Variants in DNAH10 observed in about 807,000 individuals in gnomAD.
DNAH10 encodes the protein dynein axonemal heavy chain 10, also known as axonemal beta dynein heavy chain 10.
Under a neutral mutation model 506.6 loss-of-function variants are expected in DNAH10, and 348 were observed. The observed-to-expected ratio is 0.69, with a 90% CI of 0.63 to 0.75. The LOEUF (loss-of-function observed/expected upper bound fraction) is 0.75. Among genes scored for constraint, DNAH10 ranks in the 30% least tolerant of loss-of-function variants. The probability of loss-of-function intolerance (pLI) is 0.00; values close to 1 mark genes in which losing one functional copy is unlikely to be tolerated. For synonymous variants in DNAH10, 2,059 were observed against 2,198.6 expected, an observed-to-expected ratio of 0.94 and a Z score of 1.78; for missense variants, 5,179 against 5,787.1, an observed-to-expected ratio of 0.89 and a Z score of 3.41.
intron 59 of DNAH10, among the ~76,000 whole-genome samples, 157 bp from the exon 60 acceptor site, chr12:123,912,941 A>C (rs1954295316): frequency 6.6e-6 from 1 of 152,216 alleles, no homozygotes; most frequent in African/African-American, 2.4e-5. Flanking sequence ...GTCGAAGAAG[A>C]AACTAAGAAG....
chr12:123,772,768 A>G (rs563128141), intron 3 of DNAH10, 66 bp from the exon 4 acceptor site: 2 of 1,221,206 alleles, frequency 1.6e-6, no homozygotes, highest in Non-Finnish European at 1.2e-6. Context: ...GTGTACTTGA[A>G]TATTAGGTTC....
Position 123,891,570 on chromosome 12 carries a change from A to G in DNAH10, c.8996-1663A>G, listed in dbSNP as rs149439212. Among the ~76,000 whole-genome samples, 593 of 152,178 alleles carry G rather than the reference A, an allele frequency of 3.9e-3. 5 individuals are homozygous for G. The highest frequency in any genetic ancestry group is 0.012 in the African/African-American group (499 of 41,516). On this transcript the variant is annotated intron_variant, in intron 52 of 78. Transcript: ENST00000673944. ...AGGAACGAGCAGAGACTGAGAGGGC[A>G]GGCGGAGCACGGGGAGCGAGAGACT...
chr12:123,867,782 C>G lies in DNAH10; in HGVS notation c.7303-121C>G, dbSNP rs12578152. 5.3e-4 allele frequency: 707 copies of G among 1,336,304 alleles called. 5 individuals carry two copies. In the East Asian group the frequency reaches 0.016, roughly 30 times the overall value. The allele number at this position is 1,336,304 out of a possible 1,614,324, so 82.8% of individuals were successfully genotyped here. On this transcript the variant is annotated intron_variant, in intron 42 of 78. Transcript: ENST00000673944. ...AGATACTGGGTTCCATCTGTCTGAA[C>G]CAACATGTTGGGTCTTATGCTCCCA... is the stretch of plus-strand genomic sequence containing the variant.
intron 41 of DNAH10, among the ~76,000 whole-genome samples, chr12:123,866,726 G>A (rs924711191): frequency 6.6e-6 from 1 of 152,174 alleles, no homozygotes; most frequent in Non-Finnish European, 1.5e-5. Flanking sequence ...CATGAAAACA[G>A]CCAGAAATTT....
At chr12:123,766,018 A>T (rs978431441) in intron 1 of DNAH10, among the ~76,000 whole-genome samples, 1 of 152,044 alleles carries the variant, frequency 6.6e-6, no homozygotes, top group Non-Finnish European at 1.5e-5. Flanking sequence ...TTATCTACCT[A>T]CCTATACATC....
At chr12:123,831,605 A>G (rs974918023) in intron 26 of DNAH10, among the ~76,000 whole-genome samples, 2 of 152,204 alleles carry the variant, frequency 1.3e-5, no homozygotes, top group Non-Finnish European at 2.9e-5. Flanking sequence ...GAAAAGGTAC[A>G]GCCAAGGCCG....
In DNAH10 at chr12:123,787,749, G is replaced by A. The variant is rs576504798; in HGVS notation, c.1422-55G>A. 17 of 1,575,748 alleles carry A rather than the reference G, an allele frequency of 1.1e-5. No homozygotes were observed. Among genetic ancestry groups the A allele is most frequent in the African/African-American group, 9.4e-5 (7 of 74,646 alleles). On this transcript the variant is annotated intron_variant, in intron 9 of 78. Coordinates refer to ENST00000673944, the MANE Select transcript of DNAH10 (RefSeq NM_001372106.1). The surrounding 1 kb of genome is among the most constrained non-coding windows in gnomAD (Gnocchi z 4.6). ...CACTGGCTCCCCAGCCGGGGAGTGC[G>A]GCTCGGACCCGGAGCTCCGCCCTCC...
Position 123,781,166 on chromosome 12 carries a change from G to T in DNAH10, c.708G>T (p.Glu236Asp). The change falls in exon 6 of 79, where the codon GAG (glutamate) becomes GAT (aspartate). Residue 236 changes from glutamate to aspartate, a missense_variant. Coordinates refer to ENST00000673944, the MANE Select transcript of DNAH10 (RefSeq NM_001372106.1). ...CTGGAGAAGTCTCTAATTCCTCTGA[G>T]CATGAATCAGACCTGCCGCCCATGC... ...VTSGEVSNSS[E>D]HESDLPPMPG... 2 of 1,614,128 alleles carry T rather than the reference G, an allele frequency of 1.2e-6. No individual in the cohort carries two copies. Among genetic ancestry groups the T allele is most frequent in the Non-Finnish European group, 8.5e-7 (1 of 1,180,008 alleles).
rs978391886 is a variant in DNAH10, at chr12:123,846,037, T to G, written c.5697T>G (p.Asp1899Glu). 7 of 1,613,866 alleles carry G rather than the reference T, an allele frequency of 4.3e-6. No individual in the cohort carries two copies. The highest frequency in any genetic ancestry group is 5.1e-6 in the Non-Finnish European group (6 of 1,179,888). The change falls in exon 32 of 79, where the codon GAT becomes GAG. Residue 1899 changes from aspartate to glutamate, a missense_variant. Around this residue, in one of 3 missense-constraint regions of DNAH10, gnomAD observed 4,844 missense variants for 5,430.5 expected, o/e 0.89. Transcript: ENST00000673944. The surrounding 1 kb of genome is among the most constrained non-coding windows in gnomAD (Gnocchi z 4.5). The part of the protein sequence containing the change: ...QLRFYWDREP[D>E]ELNIRQCTGT... ...GGTTTTATTGGGACCGGGAGCCGGATGAGCTGAACATCCGCCAGTGCACGG... is the reference window on the plus strand; with the variant it reads ...GGTTTTATTGGGACCGGGAGCCGGAGGAGCTGAACATCCGCCAGTGCACGG...
chr12:123,856,557 G>A (rs924003118), intron 36 of DNAH10, among the ~76,000 whole-genome samples: 4 of 150,490 alleles, frequency 2.7e-5, no homozygotes, highest in African/African-American at 7.3e-5. Flanking sequence ...GGCTGATCTC[G>A]AACTCCTCAG....
In DNAH10 at chr12:123,896,719, G is replaced by GAA. The variant is rs60387471; in HGVS notation, c.9281-1034_9281-1033dup. On this transcript the variant is annotated intron_variant, in intron 54 of 78. Transcript: ENST00000673944. ...GTAACAGAGTGAGACCCTGTCTCAA[G>GAA]AAAAAAAAAAAAAAAAAAGAAGGAT... Among the ~76,000 whole-genome samples the GAA allele has an allele frequency of 4.6e-4, 42 of 92,092 alleles. 1 individual carries two copies. Among genetic ancestry groups the GAA allele is most frequent in the East Asian group, 1.8e-3 (6 of 3,262 alleles). 60.4% of individuals were successfully genotyped at this position (92,092 alleles called of 152,430 possible).
At chr12:123,807,831 AGAGG>A (rs1319814819) in intron 18 of DNAH10, among the ~76,000 whole-genome samples, 8 of 94,726 alleles carry the variant, frequency 8.4e-5, no homozygotes, top group East Asian at 6.9e-4. Flanking sequence ...GGAGGGGGGA[AGAGG>A]GAGAGAGGAA....
rs927337253 is a variant in DNAH10 at position 123,925,183 on chromosome 12, T to C, written c.11900T>C (p.Val3967Ala). The change falls in exon 68 of 79, where the codon GTG becomes GCG. Residue 3967 changes from valine to alanine, a missense_variant. By Grantham distance (64) the Val-to-Ala change is moderately conservative. Transcript: ENST00000673944. The surrounding 1 kb of genome is among the most constrained non-coding windows in gnomAD (Gnocchi z 4.0). The part of the protein sequence containing the change: ...DRVYRAVTDY[V>A]TVTMGEKYVQ... ...GTCTATCGGGCCGTGACTGACTATG[T>C]GACTGTAACAATGGGAGAGAAGTAA... 7 of 1,614,024 alleles carry C rather than the reference T, an allele frequency of 4.3e-6. No individual in the cohort carries two copies. In the East Asian group the frequency reaches 1.6e-4, roughly 36 times the overall value.
In DNAH10 at chr12:123,914,366, G is replaced by A. The variant is rs73424836; in HGVS notation, c.10390G>A (p.Val3464Met). The A allele has an allele frequency of 7.4e-6, 12 of 1,613,204 alleles. No homozygotes were observed. The highest frequency in any genetic ancestry group is 4.5e-5 in the East Asian group (2 of 44,898). Residue 3464 changes from valine to methionine, a missense_variant, in exon 61 of 79, where the codon GTG (valine) becomes ATG (methionine). Around this residue, in one of 3 missense-constraint regions of DNAH10, gnomAD observed 4,844 missense variants for 5,430.5 expected, o/e 0.89. Transcript: ENST00000673944. ...CCTGGATGAGCTGATGCACCGGCGC[G>A]TGAAGCTGCTGGGGGACTGCCTGCT... The part of the protein sequence containing the change: ...NDLDELMHRR[V>M]KLLGDCLLCA...
chr12:123,767,127 C>T (rs778875827), intron 1 of DNAH10, among the ~76,000 whole-genome samples: 4 of 152,016 alleles, frequency 2.6e-5, no homozygotes, highest in African/African-American at 7.2e-5. Context: ...AGGCTGGTCT[C>T]GAGCTCCCGA....
intron 6 of DNAH10, among the ~76,000 whole-genome samples, chr12:123,782,154 G>A (rs372752087): frequency 6.6e-6 from 1 of 151,848 alleles, no homozygotes; most frequent in Non-Finnish European, 1.5e-5. Flanking sequence ...TGTTACCAAC[G>A]TTTGATTGAT....
At position 123,767,650 on chromosome 12, in the gene DNAH10, A is replaced by G. The variant is rs1566310007; in HGVS notation, c.259A>G (p.Thr87Ala). 6.2e-7 allele frequency: 1 copy of G among 1,612,780 alleles called. No individual in the cohort carries two copies. The change falls in exon 2 of 79, where the codon ACT (threonine) becomes GCT (alanine). Residue 87 changes from threonine to alanine, a missense_variant. Thr to Ala is a moderately conservative substitution (Grantham distance 58, BLOSUM62 0). Transcript: ENST00000673944. ...TGAAGAGGGAGAAGAGGAAGAAGAGACTTATTCTCAAAAAGTGGAGTCCGT... is the reference window on the plus strand; with the variant it reads ...TGAAGAGGGAGAAGAGGAAGAAGAGGCTTATTCTCAAAAAGTGGAGTCCGT... ...LSEEGEEEEE[T>A]YSQKVESVDK... is the part of the protein sequence containing the mutation.
At position 123,784,147 on chromosome 12, in the gene DNAH10, C is replaced by T; in HGVS notation, c.1200C>T (p.Arg400=). The T allele has an allele frequency of 1.2e-6, 2 of 1,614,250 alleles. No individual in the cohort carries two copies. Among genetic ancestry groups the T allele is most frequent in the Non-Finnish European group, 1.7e-6 (2 of 1,180,050 alleles). ...ACACGGAGGCCTCAGACAATGTGCGCTTTCTCTCCACCGTGGAGCGTTATT... is the reference window on the plus strand; with the variant it reads ...ACACGGAGGCCTCAGACAATGTGCGTTTTCTCTCCACCGTGGAGCGTTATT... ...KFHTEASDNV[R]FLSTVERYFK... is the part of the protein sequence containing the mutation. Residue 400 remains arginine, a synonymous_variant, in exon 8 of 79, where the codon CGC becomes CGT. Coordinates refer to ENST00000673944, the MANE Select transcript of DNAH10 (RefSeq NM_001372106.1).
chr12:123,864,147 T>C (rs905281647), intron 39 of DNAH10, among the ~76,000 whole-genome samples: 24 of 146,816 alleles, frequency 1.6e-4, no homozygotes, highest in East Asian at 7.8e-4. Context: ...TTTTTTCTTT[T>C]TTTTTTTTTT....
Sources: gnomAD v4.1 joint callset for allele counts (sites outside exome capture counted in the v4.1 genomes callset) on GRCh38, gnomAD v4.1.1 for gene constraint, gnomAD v4.1.1 regional missense constraint, Gnocchi (gnomAD v3.1) non-coding constraint, MANE v1.5 for transcripts, NCBI Gene and HGNC (gene_info 2026-07-23, HGNC 2026-07-21) for gene names.